ADAM12: variants seen among roughly 807,000 people sequenced by gnomAD.
ADAM12 encodes ADAM metallopeptidase domain 12.
ADAM12 carries 70 observed loss-of-function variants against 106.4 expected under a neutral mutation model. The observed-to-expected ratio is 0.66, with a 90% CI of 0.54 to 0.80. ADAM12 has a LOEUF of 0.80. ADAM12 is among the 30% of genes least tolerant of loss of function. The pLI, the probability that ADAM12 is intolerant of heterozygous loss-of-function variation, is 0.00. For missense variants in ADAM12, 1,010 were observed against 1,171.9 expected (o/e 0.86, Z 2.02); for synonymous variants, 420 against 433.5 (o/e 0.97, Z 0.39).
chr10:126,188,894 A>G lies in ADAM12; in HGVS notation c.261-33589T>C, dbSNP rs369939804. ...TCGCCCATCCTTCATCCTTTCATTCATCTATCTGTCCATCACTCATCCATG... is the reference window on the plus strand; with the variant it reads ...TCGCCCATCCTTCATCCTTTCATTCGTCTATCTGTCCATCACTCATCCATG... On this transcript the variant is annotated intron_variant, in intron 3 of 22. Coordinates refer to ENST00000448723, the MANE Select transcript of ADAM12 (RefSeq NM_001288973.2). Among the ~76,000 whole-genome samples the G allele has an allele frequency of 1.1e-4, 17 of 152,080 alleles. No homozygotes were observed. In the East Asian group the frequency reaches 1.2e-3, roughly 10 times the overall value.
intron 11 of ADAM12, among the ~76,000 whole-genome samples, chr10:126,079,981 C>T (rs912009502): frequency 1.3e-5 from 2 of 152,326 alleles, no homozygotes; most frequent in African/African-American, 2.4e-5. Flanking sequence ...CCAAGAGTAT[C>T]TGTCTTATAA....
At chr10:126,327,611 T>A (rs1317729408) in intron 2 of ADAM12, among the ~76,000 whole-genome samples, 1 of 149,828 alleles carries the variant, frequency 6.7e-6, no homozygotes, top group Non-Finnish European at 1.5e-5. Context: ...CACCCCCTCA[T>A]CTCTACCAAA....
chr10:126,233,108 G>A lies in ADAM12; in HGVS notation c.260+45807C>T, dbSNP rs574504383. Among the ~76,000 whole-genome samples the A allele has an allele frequency of 5.9e-5, 9 of 152,280 alleles. No homozygotes were observed. The South Asian group carries it at 1.9e-3, about 32-fold the overall frequency. Reference sequence around the variant, plus strand: ...TTGGGGACAGATGTATGTGGGAGATGTACACTTGGGCTTCATCAGTGAAGA... The same window carrying A: ...TTGGGGACAGATGTATGTGGGAGATATACACTTGGGCTTCATCAGTGAAGA... On this transcript the variant is annotated intron_variant, in intron 3 of 22. Transcript: ENST00000448723.
At chr10:126,311,072 C>T (rs1002523647) in intron 2 of ADAM12, among the ~76,000 whole-genome samples, 6 of 144,114 alleles carry the variant, frequency 4.2e-5, no homozygotes, top group African/African-American at 1.5e-4. Context: ...TATGGGTCTT[C>T]CTCATTATAC....
chr10:126,191,024 C>T (rs1957491562), intron 3 of ADAM12, among the ~76,000 whole-genome samples: 1 of 103,198 alleles, frequency 9.7e-6, no homozygotes, highest in African/African-American at 3.7e-5. Context: ...TTTTTTCAGA[C>T]AGAGTCTTGC....
intron 2 of ADAM12, among the ~76,000 whole-genome samples, chr10:126,316,097 A>AT (rs1327409779): frequency 6.6e-6 from 1 of 152,140 alleles, no homozygotes; most frequent in Non-Finnish European, 1.5e-5. Context: ...ATATGATAGA[A>AT]TTTTTTACCC....
chr10:126,270,778 G>A (rs1265031153), intron 3 of ADAM12, among the ~76,000 whole-genome samples: 1 of 152,140 alleles, frequency 6.6e-6, no homozygotes, highest in Non-Finnish European at 1.5e-5. Context: ...CTGGTAGTGG[G>A]GAACACCCAC....
chr10:126,039,451 T>C, intron 18 of ADAM12, 22 bp from the exon 19 acceptor site: 1 of 1,613,658 alleles, frequency 6.2e-7, no homozygotes, highest in Non-Finnish European at 8.5e-7. Flanking sequence ...CACATGGGGC[T>C]CACAGAAGGA....
rs765459008 is a variant in ADAM12 at position 126,016,218 on chromosome 10, TAAAG to T, written c.*1057_*1060del. 32 of 151,754 alleles carry T rather than the reference TAAAG, an allele frequency of 2.1e-4. No individual in the cohort carries two copies. Among genetic ancestry groups the T allele is most frequent in the Non-Finnish European group, 3.8e-4 (26 of 68,016 alleles). The allele number at this position is 151,754 out of a possible 1,614,324, so 9.4% of individuals were successfully genotyped here. Reference sequence around the variant, plus strand: ...CCATTGGTTGTAGTTTTTGCAAGCATAAAGAGTCTGCCTAATTGTTAATAAGTTG... The same window carrying T: ...CCATTGGTTGTAGTTTTTGCAAGCATAGTCTGCCTAATTGTTAATAAGTTG... On this transcript the variant is annotated 3_prime_UTR_variant, in exon 23 of 23. Transcript: ENST00000448723.
intron 3 of ADAM12, among the ~76,000 whole-genome samples, chr10:126,204,615 C>T (rs754988526): frequency 9.2e-5 from 14 of 152,196 alleles, no homozygotes; most frequent in Non-Finnish European, 2.1e-4. Context: ...ACTCAAGAGA[C>T]CGCAAATGAA....
chr10:126,054,082 CTGTTA>C (rs1453152521), intron 14 of ADAM12, among the ~76,000 whole-genome samples: 5 of 152,128 alleles, frequency 3.3e-5, no homozygotes, highest in Non-Finnish European at 7.4e-5. Flanking sequence ...ATTTTTTCTT[CTGTTA>C]TGTTATCACT....
At chr10:126,190,738 T>A (rs765161201) in intron 3 of ADAM12, among the ~76,000 whole-genome samples, 5 of 152,176 alleles carry the variant, frequency 3.3e-5, no homozygotes, top group Non-Finnish European at 7.4e-5. Flanking sequence ...TTTGAAGTGA[T>A]GCTATGGTGG....
rs1467570917 is a variant in ADAM12, at chr10:126,276,006, AT to A, written c.260+2908del. On this transcript the variant is annotated intron_variant, in intron 3 of 22. Coordinates refer to ENST00000448723, the MANE Select transcript of ADAM12 (RefSeq NM_001288973.2). The stretch of plus-strand genomic sequence containing the variant: ...AAACAAACACTAGCAGGAAACAACT[AT>A]TTTCTAACATGCTAGTTACATTGAT... 2.0e-5 allele frequency among the ~76,000 whole-genome samples: 3 copies of A among 152,152 alleles called. No individual in the cohort carries two copies. The East Asian group carries it at 5.8e-4, about 29-fold the overall frequency.
At chr10:126,217,642 C>A (rs1365365427) in intron 3 of ADAM12, among the ~76,000 whole-genome samples, 2 of 146,074 alleles carry the variant, frequency 1.4e-5, no homozygotes, top group African/African-American at 5.0e-5. Flanking sequence ...GCTGGGATTA[C>A]AGGCGTGAGC....
chr10:126,380,723 A>G, intron 1 of ADAM12, among the ~76,000 whole-genome samples: 1 of 152,240 alleles, frequency 6.6e-6, no homozygotes, highest in East Asian at 1.9e-4. Context: ...CATTGTCTAG[A>G]TTATACCAAT....
intron 8 of ADAM12, among the ~76,000 whole-genome samples, chr10:126,107,985 T>C (rs1165646772): frequency 2.0e-5 from 3 of 152,182 alleles, no homozygotes; most frequent in Admixed American, 1.3e-4. Flanking sequence ...AGTGAACAAG[T>C]ACCCCAGGAG....
intron 3 of ADAM12, among the ~76,000 whole-genome samples, chr10:126,201,008 G>A (rs994564963): frequency 2.0e-5 from 3 of 152,146 alleles, no homozygotes; most frequent in Non-Finnish European, 4.4e-5. Flanking sequence ...GTAATAGGAC[G>A]TGATCCTAGA....
chr10:126,060,280 T>C (rs1359803801), intron 14 of ADAM12, among the ~76,000 whole-genome samples: 2 of 152,162 alleles, frequency 1.3e-5, no homozygotes, highest in South Asian at 2.1e-4. Flanking sequence ...TAACGCCAGA[T>C]TGAGAAAAGC....
chr10:126,018,880 C>G (rs958160710), intron 22 of ADAM12, among the ~76,000 whole-genome samples: 3 of 152,174 alleles, frequency 2.0e-5, no homozygotes, highest in Non-Finnish European at 4.4e-5. Context: ...GTCCCTTGCT[C>G]CAGCCGTATG....
Sources: allele counts gnomAD v4.1 joint callset (sites outside exome capture counted in the v4.1 genomes callset), GRCh38; gene constraint gnomAD v4.1.1; transcripts MANE v1.5; gene names NCBI Gene and HGNC (gene_info 2026-07-23, HGNC 2026-07-21).